Variants in ZSWIM4 observed in about 807,000 individuals in gnomAD.
ZSWIM4 encodes the protein zinc finger SWIM-type containing 4.
Under a neutral mutation model 102.5 loss-of-function variants are expected in ZSWIM4, and 62 were observed. The observed-to-expected ratio is 0.60, with a 90% CI of 0.49 to 0.75. The LOEUF (loss-of-function observed/expected upper bound fraction) is 0.75, where lower values mean the gene tolerates loss of function less well. Among genes scored for constraint, ZSWIM4 ranks in the 30% least tolerant of loss-of-function variants. The probability of loss-of-function intolerance (pLI) is 0.00; values close to 1 mark genes in which losing one functional copy is unlikely to be tolerated. For missense variants in ZSWIM4, 1,280 were observed against 1,529.6 expected (o/e 0.84, Z 2.72); for synonymous variants, 652 against 674.5 (o/e 0.97, Z 0.52).
At position 13,831,724 on chromosome 19, in the gene ZSWIM4, G is replaced by A. The variant is rs537585502; in HGVS notation, c.*674G>A. ...ACTGGACGTACAACTCAGGAACTGAGCGAGGCTCACACTGCCCCTTCCAAC... is the reference window on the plus strand; with the variant it reads ...ACTGGACGTACAACTCAGGAACTGAACGAGGCTCACACTGCCCCTTCCAAC... On this transcript the variant is annotated 3_prime_UTR_variant, in exon 14 of 14. Coordinates refer to ENST00000590508, the MANE Select transcript of ZSWIM4 (RefSeq NM_001367834.3). The A allele has an allele frequency of 2.0e-5, 3 of 152,716 alleles. No individual in the cohort carries two copies. Among genetic ancestry groups the A allele is most frequent in the South Asian group, 4.1e-4 (2 of 4,830 alleles). The allele number at this position is 152,716 out of a possible 1,614,324, so 9.5% of individuals were successfully genotyped here.
At chr19:13,801,313 C>T (rs1254058415) in intron 2 of ZSWIM4, among the ~76,000 whole-genome samples, 2 of 152,108 alleles carry the variant, frequency 1.3e-5, no homozygotes, top group African/African-American at 4.8e-5. Context: ...CCCTAGACCT[C>T]AGGCTGCTGA....
intron 2 of ZSWIM4, among the ~76,000 whole-genome samples, chr19:13,800,896 C>A (rs183643794): frequency 1.3e-5 from 2 of 152,184 alleles, no homozygotes; most frequent in Non-Finnish European, 2.9e-5. Context: ...GATCTCAACA[C>A]TTTGGGAGGC....
intron 2 of ZSWIM4, among the ~76,000 whole-genome samples, chr19:13,802,206 G>C (rs1288927168): frequency 1.3e-5 from 2 of 150,702 alleles, no homozygotes; most frequent in Non-Finnish European, 3.0e-5. Flanking sequence ...TCGATCTCCT[G>C]ACCTAGTGAT....
At chr19:13,819,654 ATTATTTATTTAT>A (rs539022265) in intron 10 of ZSWIM4, among the ~76,000 whole-genome samples, 162 bp downstream of exon 10, 41 of 150,250 alleles carry the variant, frequency 2.7e-4, no homozygotes, top group Non-Finnish European at 3.7e-4. Context: ...TTTCATTATT[ATTATTTATTTAT>A]TTATTTATTT....
In ZSWIM4 at chr19:13,831,787, C is replaced by A. The variant is rs533132592; in HGVS notation, c.*737C>A. 6.6e-6 allele frequency: 1 copy of A among 152,370 alleles called. No individual in the cohort carries two copies. The highest frequency in any genetic ancestry group is 2.4e-5 in the African/African-American group (1 of 41,430). 9.4% of individuals were successfully genotyped at this position (152,370 alleles called of 1,614,324 possible). ...GACACAGACGCGAGAGAGCCGGAGA[C>A]CCCCACCCCCGATCTGGAAAGGAAA... is the stretch of plus-strand genomic sequence containing the variant. On this transcript the variant is annotated 3_prime_UTR_variant, in exon 14 of 14. Coordinates refer to ENST00000590508, the MANE Select transcript of ZSWIM4 (RefSeq NM_001367834.3).
At chr19:13,797,737 C>A (rs1185474563) in intron 1 of ZSWIM4, among the ~76,000 whole-genome samples, 1 of 152,208 alleles carries the variant, frequency 6.6e-6, no homozygotes, top group African/African-American at 2.4e-5. Flanking sequence ...ACTGTAGCCT[C>A]CACCTCCTGG....
chr19:13,823,545 C>T (rs1487607976), intron 11 of ZSWIM4, 45 bp downstream of exon 11: 1 of 1,541,252 alleles, frequency 6.5e-7, no homozygotes, highest in African/African-American at 1.4e-5. Context: ...CCTCCTCTGT[C>T]ATCTCCTTCT....
In ZSWIM4 at chr19:13,804,764, G is replaced by A. The variant is rs74718437; in HGVS notation, c.356-28G>A. ...ACACCGCCTGTCTCTGGGATGACAC[G>A]GATGCGACAGTTTGGCTTTGATCCT... On this transcript the variant is annotated intron_variant, in intron 2 of 13. Transcript: ENST00000590508. 3.8e-3 allele frequency: 5,800 copies of A among 1,539,874 alleles called. 140 individuals are homozygous for A. In the African/African-American group the frequency reaches 0.062, roughly 16 times the overall value.
At position 13,817,289 on chromosome 19, in the gene ZSWIM4, C is replaced by G; in HGVS notation, c.1605C>G (p.Gly535=). The G allele has an allele frequency of 6.2e-7, 1 of 1,614,104 alleles. No homozygotes were observed. Among genetic ancestry groups the G allele is most frequent in the Non-Finnish European group, 8.5e-7 (1 of 1,179,958 alleles). Residue 535 remains glycine (G), a synonymous_variant, in exon 8 of 14, where the codon GGC becomes GGG. Transcript: ENST00000590508. ...TGGGGCACCCCCTGGACCCCATTGG[C>G]TGCCTCTGCAGGGCGCTCCTGGAGG... The part of the protein sequence containing the change: ...GWVGHPLDPI[G]CLCRALLEAC...
Position 13,795,748 on chromosome 19 carries a change from G to A in ZSWIM4, c.100G>A (p.Ala34Thr), listed in dbSNP as rs756950298. The A allele has an allele frequency of 2.4e-6, 3 of 1,231,816 alleles. No individual in the cohort carries two copies. The East Asian group carries it at 9.4e-5, about 38-fold the overall frequency. The allele number at this position is 1,231,816 out of a possible 1,614,324, so 76.3% of individuals were successfully genotyped here. A position where few individuals can be genotyped will look rare whatever the true frequency, so the allele number is the denominator to read the frequency against. The change falls in exon 1 of 14, where the codon GCG becomes ACG. Residue 34 changes from alanine to threonine, a missense_variant. Coordinates refer to ENST00000590508, the MANE Select transcript of ZSWIM4 (RefSeq NM_001367834.3). ...CGCGCGTGGCCGGGGCCGGCCCGAG[G>A]CGCTGCTGGACCTCAGCGCCAAGCG... ...GAARGRGRPEALLDLSAKRVA... is the reference protein window; with the variant it reads ...GAARGRGRPETLLDLSAKRVA...
chr19:13,831,195 C>T lies in ZSWIM4; in HGVS notation c.*145C>T. On this transcript the variant is annotated 3_prime_UTR_variant, in exon 14 of 14. Transcript: ENST00000590508. Reference sequence around the variant, plus strand: ...AGATGGGGGCAGGGGGAGCAGCATCCTGCCACGTGTGTGCCTGGGAGTCTG... The same window carrying T: ...AGATGGGGGCAGGGGGAGCAGCATCTTGCCACGTGTGTGCCTGGGAGTCTG... 9.5e-7 allele frequency: 1 copy of T among 1,052,764 alleles called. No homozygotes were observed. Among genetic ancestry groups the T allele is most frequent in the Non-Finnish European group, 1.3e-6 (1 of 748,502 alleles). The allele number at this position is 1,052,764 out of a possible 1,614,324, so 65.2% of individuals were successfully genotyped here. A position where few individuals can be genotyped will look rare whatever the true frequency, so the allele number is the denominator to read the frequency against.
Position 13,809,074 on chromosome 19 carries a change from G to A in ZSWIM4, c.866G>A (p.Arg289Gln), listed in dbSNP as rs377094220. The A allele has an allele frequency of 8.1e-5, 130 of 1,612,500 alleles. No homozygotes were observed. Among genetic ancestry groups the A allele is most frequent in the Non-Finnish European group, 1.1e-4 (127 of 1,179,062 alleles). The change falls in exon 5 of 14, where the codon CGG (arginine) becomes CAG (glutamine). Residue 289 changes from arginine (R) to glutamine (Q), a missense_variant. Coordinates refer to ENST00000590508, the MANE Select transcript of ZSWIM4 (RefSeq NM_001367834.3). This position sits in a 1 kb window ranked among gnomAD's most constrained non-coding sequence, Gnocchi z 4.2. ...ACCACCCTGTCCCCGGCACAGGTGCGGGAGATGCTGCGAATGCGGGACTCC... is the reference window on the plus strand; with the variant it reads ...ACCACCCTGTCCCCGGCACAGGTGCAGGAGATGCTGCGAATGCGGGACTCC... ...QQLRSMFSKV[R>Q]EMLRMRDSNG...
Position 13,805,866 on chromosome 19 carries a change from G to A in ZSWIM4, c.712+718G>A, listed in dbSNP as rs191527200. Among the ~76,000 whole-genome samples, 604 of 151,306 alleles carry A rather than the reference G, an allele frequency of 4.0e-3. 3 individuals carry two copies. Among genetic ancestry groups the A allele is most frequent in the Middle Eastern group, 0.01 (3 of 294 alleles). On this transcript the variant is annotated intron_variant, in intron 3 of 13. Transcript: ENST00000590508. ...GGTGCCTGTAGTCCCAGCCACTCAG[G>A]AAGCTGAGGTGGGAGAATGGGTTGA...
rs1305567127 is a variant in ZSWIM4, at chr19:13,819,459, A to T, written c.2027A>T (p.Asp676Val). 1.2e-6 allele frequency: 2 copies of T among 1,608,326 alleles called. No individual in the cohort carries two copies. The highest frequency in any genetic ancestry group is 2.2e-5 in the South Asian group (2 of 89,976). The change falls in exon 10 of 14, where the codon GAC becomes GTC. Residue 676 changes from aspartate (D) to valine (V), a missense_variant. Asp to Val is a radical substitution (Grantham distance 152, BLOSUM62 -3). Transcript: ENST00000590508. ...ACCGCACTGCTGCCTCATGACCCGG[A>T]CCTGGCCTATCGCCTCGCGCTGCGA... Reference protein sequence around the residue: ...LFTALLPHDPDLAYRLALRAM... With the variant: ...LFTALLPHDPVLAYRLALRAM...
At position 13,830,767 on chromosome 19, in the gene ZSWIM4, T is replaced by C; in HGVS notation, c.3038T>C (p.Leu1013Ser). ...WTLSAPGLGP[L>S]GARRAAKPLG... ...CTCTCGGCGCCCGGTCTGGGCCCCT[T>C]AGGGGCACGCCGGGCCGCCAAGCCA... Residue 1013 changes from leucine (L) to serine (S), a missense_variant, in exon 14 of 14, where the codon TTA (leucine) becomes TCA (serine). Leu to Ser is a moderately radical substitution (Grantham distance 145). Transcript: ENST00000590508. 6.2e-7 allele frequency: 1 copy of C among 1,606,294 alleles called. No homozygotes were observed. The highest frequency in any genetic ancestry group is 8.5e-7 in the Non-Finnish European group (1 of 1,176,534).
At chr19:13,801,468 G>A (rs1974769575) in intron 2 of ZSWIM4, among the ~76,000 whole-genome samples, 1 of 152,122 alleles carries the variant, frequency 6.6e-6, no homozygotes, top group Admixed American at 6.6e-5. Context: ...CAGGGGTTTA[G>A]AGCCAGAGGT....
At chr19:13,827,588 C>CAA (rs35504300) in intron 12 of ZSWIM4, among the ~76,000 whole-genome samples, 1,785 of 72,342 alleles carry the variant, frequency 0.025, 59 homozygotes, top group African/African-American at 0.077. Flanking sequence ...GTGAGACCCT[C>CAA]AAAAAAAAAA....
chr19:13,806,803 T>C (rs1974931184), intron 3 of ZSWIM4, among the ~76,000 whole-genome samples: 2 of 151,628 alleles, frequency 1.3e-5, no homozygotes, highest in Admixed American at 1.3e-4. Flanking sequence ...AGTGAAAGAA[T>C]GAAAGATCCA....
At chr19:13,801,592 T>C (rs563069290) in intron 2 of ZSWIM4, among the ~76,000 whole-genome samples, 74 of 152,082 alleles carry the variant, frequency 4.9e-4, no homozygotes, top group African/African-American at 1.7e-3. Flanking sequence ...TTTCAAAGGC[T>C]TAGAGCTATT....
Sources: gnomAD v4.1 joint callset for allele counts (sites outside exome capture counted in the v4.1 genomes callset) on GRCh38, gnomAD v4.1.1 for gene constraint, Gnocchi (gnomAD v3.1) non-coding constraint, MANE v1.5 for transcripts, NCBI Gene and HGNC (gene_info 2026-07-23, HGNC 2026-07-21) for gene names.